MGST2: variants seen among roughly 807,000 people sequenced by gnomAD.
MGST2 encodes the protein glutathione peroxidase MGST2.
In MGST2, 9 loss-of-function variants were observed where a neutral mutation model predicts 16.6. The ratio of observed to expected loss-of-function variants is 0.54; its 90% CI spans 0.33 to 0.95. MGST2 has a LOEUF of 0.95. Among genes scored for constraint, MGST2 ranks in the 40% least tolerant of loss-of-function variants. The pLI, the probability that MGST2 is intolerant of heterozygous loss-of-function variation, is 0.03. For missense variants in MGST2, 159 were observed against 175.1 expected, an observed-to-expected ratio of 0.91 and a Z score of 0.52; for synonymous variants, 79 against 68.0, an observed-to-expected ratio of 1.16 and a Z score of -0.79.
intron 5 of MGST2, among the ~76,000 whole-genome samples, chr4:139,723,711 C>T (rs550189249): frequency 1.3e-5 from 2 of 152,236 alleles, no homozygotes; most frequent in Admixed American, 1.3e-4. Context: ...CCCTTTTCCC[C>T]CACAAATAAT....
chr4:139,719,191 G>T, intron 5 of MGST2: 4 of 1,044,548 alleles, frequency 3.8e-6, no homozygotes, highest in South Asian at 1.8e-5. Flanking sequence ...ATCTTCCATT[G>T]TCAGCCAGCT....
intron 3 of MGST2, among the ~76,000 whole-genome samples, chr4:139,699,134 G>A (rs1365793880): frequency 1.3e-5 from 2 of 152,228 alleles, no homozygotes; most frequent in African/African-American, 2.4e-5. Flanking sequence ...TGCTCAGTTG[G>A]AGATAATTAG....
chr4:139,669,299 T>C (rs1264886687), intron 1 of MGST2, among the ~76,000 whole-genome samples: 1 of 152,156 alleles, frequency 6.6e-6, no homozygotes, highest in Non-Finnish European at 1.5e-5. Flanking sequence ...CACAACTGTT[T>C]AGCTGGCATT....
chr4:139,724,956 G>C (rs1333616221), intron 5 of MGST2, among the ~76,000 whole-genome samples: 1 of 152,056 alleles, frequency 6.6e-6, no homozygotes, highest in African/African-American at 2.4e-5. Context: ...ACAGGGTTTT[G>C]CTATGTTGGC....
intron 3 of MGST2, among the ~76,000 whole-genome samples, chr4:139,701,175 G>T (rs1414395700): frequency 1.3e-5 from 2 of 152,236 alleles, no homozygotes; most frequent in Admixed American, 6.5e-5. Context: ...TAGGCTGAAT[G>T]AGGCAGACTG....
intron 2 of MGST2, among the ~76,000 whole-genome samples, chr4:139,688,154 A>C (rs1726347976): frequency 6.6e-6 from 1 of 152,228 alleles, no homozygotes; most frequent in East Asian, 1.9e-4. Flanking sequence ...TCATGTGCTG[A>C]AAGACCATTA....
Position 139,720,174 on chromosome 4 carries a change from T to C in MGST2, c.*48+15978T>C, listed in dbSNP as rs777354819. On this transcript the variant is annotated intron_variant, in intron 5 of 5. Coordinates refer to the MGST2 transcript ENST00000616265. ...GTGGTGCTATAAGGGGCCAGTCCCA[T>C]CTCCGACTGCGCAGCTGCGGTGGCC... The C allele has an allele frequency of 3.1e-6, 5 of 1,613,920 alleles. No homozygotes were observed. In the South Asian group the frequency reaches 3.3e-5, roughly 11 times the overall value.
chr4:139,709,085 T>A (rs1439606273), downstream of MGST2, among the ~76,000 whole-genome samples: 3 of 129,854 alleles, frequency 2.3e-5, no homozygotes, highest in Non-Finnish European at 5.0e-5. Flanking sequence ...TTTTTTTTTT[T>A]TTTTTTTTTT....
At chr4:139,683,423 A>G (rs538817028) in intron 2 of MGST2, among the ~76,000 whole-genome samples, 1 of 152,112 alleles carries the variant, frequency 6.6e-6, no homozygotes, top group African/African-American at 2.4e-5. Context: ...GGTTTTGGGG[A>G]AGTATTAGGA....
At chr4:139,747,565 G>C in the MGST2 span, among the ~76,000 whole-genome samples, 2 of 151,876 alleles carry the variant, frequency 1.3e-5, no homozygotes, top group Admixed American at 1.3e-4. Context: ...GTGGTGGTGT[G>C]TGCCTGTAAT....
downstream of MGST2, among the ~76,000 whole-genome samples, chr4:139,704,689 G>A (rs554910652): frequency 6.6e-6 from 1 of 152,274 alleles, no homozygotes; most frequent in South Asian, 2.1e-4. Flanking sequence ...TTGAGAAGCC[G>A]AGGCGGGCAG....
At chr4:139,742,402 G>A (rs1437688727), downstream of MGST2, among the ~76,000 whole-genome samples, 1 of 152,150 alleles carries the variant, frequency 6.6e-6, no homozygotes, top group Non-Finnish European at 1.5e-5. Context: ...GCCCGCCTTG[G>A]CCTCCCAAAG....
chr4:139,683,238 G>T (rs988388922), intron 2 of MGST2, among the ~76,000 whole-genome samples: 2 of 152,220 alleles, frequency 1.3e-5, no homozygotes, highest in African/African-American at 2.4e-5. Flanking sequence ...GCAGTGAAAT[G>T]ATGGGAAGTG....
At chr4:139,732,478 T>G (rs1398516577) in intron 5 of MGST2, among the ~76,000 whole-genome samples, 1 of 151,840 alleles carries the variant, frequency 6.6e-6, no homozygotes, top group East Asian at 1.9e-4. Flanking sequence ...CCTCTTACCC[T>G]AGAAACAATC....
At chr4:139,734,887 G>C (rs1476933339) in intron 5 of MGST2, among the ~76,000 whole-genome samples, 1 of 152,250 alleles carries the variant, frequency 6.6e-6, no homozygotes, top group Non-Finnish European at 1.5e-5. Flanking sequence ...CGTGGATAAC[G>C]GGCTTGAGGA....
At chr4:139,732,576 ATT>A (rs5862431) in intron 5 of MGST2, among the ~76,000 whole-genome samples, 3,861 of 145,768 alleles carry the variant, frequency 0.026, 140 homozygotes, top group African/African-American at 0.087. Context: ...CTAGAACGCT[ATT>A]TTTTTTTTTT....
At chr4:139,679,316 C>T (rs937082842) in intron 2 of MGST2, among the ~76,000 whole-genome samples, 1 of 152,170 alleles carries the variant, frequency 6.6e-6, no homozygotes, top group African/African-American at 2.4e-5. Flanking sequence ...TTGTTACCAT[C>T]TTGGGATTTT....
chr4:139,694,570 G>A (rs1190776989), intron 2 of MGST2, among the ~76,000 whole-genome samples: 1 of 152,094 alleles, frequency 6.6e-6, no homozygotes, highest in Non-Finnish European at 1.5e-5. Flanking sequence ...ATTCCCTTTT[G>A]CTTAAATTAG....
chr4:139,731,809 C>T (rs1264063594), intron 5 of MGST2, among the ~76,000 whole-genome samples: 1 of 152,172 alleles, frequency 6.6e-6, no homozygotes, highest in East Asian at 1.9e-4. Context: ...GGAGAATGTG[C>T]TCAAAGGCGA....
Sources: gnomAD v4.1 joint callset for allele counts (sites outside exome capture counted in the v4.1 genomes callset) on GRCh38, gnomAD v4.1.1 for gene constraint, MANE v1.5 for transcripts, NCBI Gene and HGNC (gene_info 2026-07-23, HGNC 2026-07-21) for gene names.